The following TPP2 variants were observed in gnomAD, a reference collection of about 807,000 sequenced individuals.
TPP2 encodes the protein tripeptidyl-peptidase 2.
TPP2 carries 34 observed loss-of-function variants against 155.9 expected under a neutral mutation model. The observed-to-expected ratio is 0.22, with a 90% confidence interval of 0.17 to 0.29. TPP2 has a LOEUF of 0.29. TPP2 is among the 10% of genes least tolerant of loss of function. The probability of loss-of-function intolerance (pLI) is 1.00; values close to 1 mark genes in which losing one functional copy is unlikely to be tolerated. For synonymous variants in TPP2, 510 were observed against 529.4 expected (o/e 0.96, Z 0.50); for missense variants, 1,028 against 1,522.3 (o/e 0.68, Z 5.40).
chr13:102,622,992 G>A lies in TPP2; in HGVS notation c.736G>A (p.Val246Ile), dbSNP rs138317610. 39 of 1,614,026 alleles carry A rather than the reference G, an allele frequency of 2.4e-5. No individual in the cohort carries two copies. Among genetic ancestry groups the A allele is most frequent in the Admixed American group, 6.7e-5 (4 of 59,976 alleles). ...CACAGCTGAGATGTTGAATTACTCC[G>A]TTAATATATACGATGATGGAAACCT... Reference protein sequence around the residue: ...FGTAEMLNYSVNIYDDGNLLS... With the variant: ...FGTAEMLNYSINIYDDGNLLS... Residue 246 changes from valine to isoleucine, a missense_variant, in exon 6 of 30, where the codon GTT (valine) becomes ATT (isoleucine). Transcript: ENST00000376052.
At chr13:102,623,100 T>TG in intron 6 of TPP2, 60 bp downstream of exon 6, 1 of 1,528,022 alleles carries the variant, frequency 6.5e-7, no homozygotes, top group Non-Finnish European at 8.8e-7. Flanking sequence ...AGTGGTACGT[T>TG]GCGATAGCTC....
chr13:102,602,306 C>T (rs1287958215), intron 1 of TPP2, among the ~76,000 whole-genome samples: 2 of 151,978 alleles, frequency 1.3e-5, no homozygotes, highest in African/African-American at 4.8e-5. Flanking sequence ...AGACATATAG[C>T]CTATCTCTTC....
chr13:102,602,651 G>A (rs950313723), intron 1 of TPP2, among the ~76,000 whole-genome samples: 11 of 152,138 alleles, frequency 7.2e-5, no homozygotes, highest in African/African-American at 2.2e-4. Context: ...TCTCCACATC[G>A]AGAATTTCCC....
chr13:102,668,796 A>G (rs779640395), intron 27 of TPP2, among the ~76,000 whole-genome samples: 7 of 152,206 alleles, frequency 4.6e-5, no homozygotes, highest in Non-Finnish European at 8.8e-5. Context: ...CAAGGAACAA[A>G]TTATCTGGAG....
At chr13:102,602,956 T>C (rs1486830867) in intron 1 of TPP2, among the ~76,000 whole-genome samples, 1 of 152,148 alleles carries the variant, frequency 6.6e-6, no homozygotes, top group Non-Finnish European at 1.5e-5. Flanking sequence ...GTTGTGTCTC[T>C]GTTTTCTGGC....
chr13:102,609,838 G>C (rs1880142130), intron 2 of TPP2, among the ~76,000 whole-genome samples: 1 of 152,130 alleles, frequency 6.6e-6, no homozygotes, highest in Non-Finnish European at 1.5e-5. Context: ...CATGCGATTT[G>C]GGTAGAGACA....
rs1444456154 is a variant in TPP2 at position 102,664,892 on chromosome 13, C to G, written c.3338C>G (p.Thr1113Ser). The change falls in exon 27 of 30, where the codon ACT becomes AGT. Residue 1113 changes from threonine to serine, a missense_variant. Physicochemically the swap from Thr to Ser is moderately conservative, Grantham distance 58 (BLOSUM62 1). Transcript: ENST00000376052. ...CTAGCAGTTTATATTGCAATGAAGA[C>G]TGATCCCAGGCCTGATGCAGCTACT... ...TALAVYIAMK[T>S]DPRPDAATIK... is the part of the protein sequence containing the mutation. 6.2e-7 allele frequency: 1 copy of G among 1,613,718 alleles called. No individual in the cohort carries two copies. The highest frequency in any genetic ancestry group is 8.5e-7 in the Non-Finnish European group (1 of 1,179,828).
chr13:102,634,531 C>G (rs1469241518), intron 11 of TPP2, among the ~76,000 whole-genome samples: 1 of 152,158 alleles, frequency 6.6e-6, no homozygotes, highest in Non-Finnish European at 1.5e-5. Context: ...AATAGAGTGG[C>G]ACTGGGCTTA....
chr13:102,644,644 A>C lies in TPP2; in HGVS notation c.2263A>C (p.Ile755Leu). 6.2e-7 allele frequency: 1 copy of C among 1,612,440 alleles called. No homozygotes were observed. The highest frequency in any genetic ancestry group is 8.5e-7 in the Non-Finnish European group (1 of 1,179,450). ...TGATTATACCATTTCTTTCCATGGG[A>C]TAGTGTGTACTGCTCCTCAGTTAAA... ...NIDYTISFHGIVCTAPQLNIH... is the reference protein window; with the variant it reads ...NIDYTISFHGLVCTAPQLNIH... Residue 755 changes from isoleucine (I) to leucine (L), a missense_variant, in exon 18 of 30, where the codon ATA (isoleucine) becomes CTA (leucine). By Grantham distance (5) the Ile-to-Leu change is conservative. This residue lies in a region of TPP2 where 325 missense variants were observed against 463.7 expected (regional missense o/e 0.70). Coordinates refer to ENST00000376052, the MANE Select transcript of TPP2 (RefSeq NM_001330588.2).
intron 29 of TPP2, 95 bp downstream of exon 29, chr13:102,676,510 C>T: frequency 6.9e-7 from 1 of 1,453,330 alleles, no homozygotes; most frequent in Middle Eastern, 2.3e-4. Flanking sequence ...TATAGCAATA[C>T]TGGTTTTATT....
intron 27 of TPP2, among the ~76,000 whole-genome samples, chr13:102,673,220 G>A (rs768137558): frequency 2.6e-5 from 4 of 152,198 alleles, no homozygotes; most frequent in Non-Finnish European, 4.4e-5. Context: ...GTGAGCCCTT[G>A]AGCCTTCAAG....
intron 24 of TPP2, among the ~76,000 whole-genome samples, chr13:102,653,731 T>A (rs1050088615): frequency 6.6e-6 from 1 of 152,204 alleles, no homozygotes; most frequent in African/African-American, 2.4e-5. Flanking sequence ...ATAAATAGCA[T>A]TCAAATATGA....
At chr13:102,668,651 C>A (rs1166721540) in intron 27 of TPP2, among the ~76,000 whole-genome samples, 1 of 152,140 alleles carries the variant, frequency 6.6e-6, no homozygotes, top group Non-Finnish European at 1.5e-5. Context: ...GGTGTCTGCC[C>A]AGGTAACAGG....
chr13:102,646,770 C>T (rs1002966433), intron 20 of TPP2, among the ~76,000 whole-genome samples: 3 of 152,168 alleles, frequency 2.0e-5, no homozygotes, highest in East Asian at 1.9e-4. Context: ...GTCAGAGTAG[C>T]TCCCAGGTGG....
chr13:102,618,740 G>C lies in TPP2; in HGVS notation c.514G>C (p.Glu172Gln). The change falls in exon 5 of 30, where the codon GAG becomes CAG. Residue 172 changes from glutamate (E) to glutamine (Q), a missense_variant. Glu to Gln is a conservative substitution (Grantham distance 29). Transcript: ENST00000376052. ...GSSQANKLIK[E>Q]ELQSQVELLN... ...TGACTAGGCAAATAAACTAATCAAGGAGGAACTTCAAAGTCAAGTGGAATT... is the reference window on the plus strand; with the variant it reads ...TGACTAGGCAAATAAACTAATCAAGCAGGAACTTCAAAGTCAAGTGGAATT... 6.2e-7 allele frequency: 1 copy of C among 1,613,746 alleles called. No individual in the cohort carries two copies. Among genetic ancestry groups the C allele is most frequent in the Non-Finnish European group, 8.5e-7 (1 of 1,179,808 alleles).
chr13:102,660,291 G>A (rs1187264627), intron 25 of TPP2, among the ~76,000 whole-genome samples: 2 of 151,256 alleles, frequency 1.3e-5, no homozygotes, highest in African/African-American at 4.9e-5. Flanking sequence ...AGGAACAGTG[G>A]AACAAAAAAA....
rs185698304 is a variant in TPP2, at chr13:102,670,915, C to T, written c.3372-3368C>T. On this transcript the variant is annotated intron_variant, in intron 27 of 29. Coordinates refer to ENST00000376052, the MANE Select transcript of TPP2 (RefSeq NM_001330588.2). ...AAACCTCTTAACTGTGTATTCTTTACGACAGAGGCATATAGACTTACAAGT... is the reference window on the plus strand; with the variant it reads ...AAACCTCTTAACTGTGTATTCTTTATGACAGAGGCATATAGACTTACAAGT... 6.6e-5 allele frequency among the ~76,000 whole-genome samples: 10 copies of T among 152,270 alleles called. No homozygotes were observed. In the East Asian group the frequency reaches 1.3e-3, roughly 21 times the overall value.
At chr13:102,612,187 G>T (rs1346878774) in intron 2 of TPP2, among the ~76,000 whole-genome samples, 1 of 152,196 alleles carries the variant, frequency 6.6e-6, no homozygotes, top group Non-Finnish European at 1.5e-5. Flanking sequence ...GTACTTAGAT[G>T]CAGTGACAGC....
At position 102,597,000 on chromosome 13, in the gene TPP2, C is replaced by T. The variant is rs767069357; in HGVS notation, c.-39C>T. 53 of 1,603,504 alleles carry T rather than the reference C, an allele frequency of 3.3e-5. No individual in the cohort carries two copies. Among genetic ancestry groups the T allele is most frequent in the African/African-American group, 9.5e-5 (7 of 73,638 alleles). On this transcript the variant is annotated 5_prime_UTR_variant, in exon 1 of 30. Transcript: ENST00000376052. Reference sequence around the variant, plus strand: ...CTCGCGCTGCTAGTCCGCGCGCAGCCTGGCAGTTTGCCGCTTCCTCGTCCT... The same window carrying T: ...CTCGCGCTGCTAGTCCGCGCGCAGCTTGGCAGTTTGCCGCTTCCTCGTCCT...
Sources: allele counts gnomAD v4.1 joint callset (sites outside exome capture counted in the v4.1 genomes callset), GRCh38; gene constraint gnomAD v4.1.1; regional missense constraint gnomAD v4.1.1; transcripts MANE v1.5; gene names NCBI Gene and HGNC (gene_info 2026-07-23, HGNC 2026-07-21).